Variants in ANKRD24 observed in about 807,000 individuals in gnomAD.
The protein encoded by ANKRD24 is ankyrin repeat domain-containing protein 24.
A neutral mutation model predicts 127.8 loss-of-function variants in ANKRD24; 109 were observed. That is an observed-to-expected ratio of 0.85 (90% CI 0.73 to 1.00). The LOEUF is 1.00. Ranked by LOEUF, ANKRD24 falls within the 50% of genes least tolerant of loss-of-function variation. The pLI is 0.00. For synonymous variants in ANKRD24, 743 were observed against 671.1 expected (o/e 1.11, Z -1.66); for missense variants, 1,648 against 1,570.2 (o/e 1.05, Z -0.84).
chr19:4,207,298 AACC>A lies in ANKRD24; in HGVS notation c.524_526del (p.Asn175_Pro176delinsThr). The stretch of plus-strand genomic sequence containing the variant: ...GCTCTGCTCCTTTAAGGCACATCTA[AACC>A]CCCAAGATCGGGTAAGCTTCTGGGA... On this transcript the variant is annotated inframe_deletion, in exon 8 of 22. Transcript: ENST00000318934. 3 of 1,613,798 alleles carry A rather than the reference AACC, an allele frequency of 1.9e-6. No individual in the cohort carries two copies. In the Admixed American group the frequency reaches 5.0e-5, roughly 27 times the overall value.
chr19:4,208,835 T>C, intron 11 of ANKRD24, 34 bp downstream of exon 11: 1 of 1,604,036 alleles, frequency 6.2e-7, no homozygotes. Flanking sequence ...GAGCCCCTCC[T>C]CCCTGCATCC....
At chr19:4,200,285 G>A in intron 5 of ANKRD24, 114 bp downstream of exon 5, 1 of 1,155,178 alleles carries the variant, frequency 8.7e-7, no homozygotes, top group East Asian at 2.6e-5. Flanking sequence ...AAAAAGGGGA[G>A]GCTCCCTCTG....
intron 15 of ANKRD24, among the ~76,000 whole-genome samples, chr19:4,212,970 CA>C (rs1317008353): frequency 1.3e-5 from 2 of 152,064 alleles, no homozygotes; most frequent in Non-Finnish European, 2.9e-5. Flanking sequence ...GTCTCTACTA[CA>C]AATACAAAAA....
At chr19:4,213,456 C>CT (rs769606619) in intron 15 of ANKRD24, among the ~76,000 whole-genome samples, 4,613 of 118,662 alleles carry the variant, frequency 0.039, 340 homozygotes, top group African/African-American at 0.11. Flanking sequence ...ATCCTTCCTT[C>CT]TTTTTTTTTT....
chr19:4,205,254 CAACAA>C (rs1196299397), intron 7 of ANKRD24, among the ~76,000 whole-genome samples: 4 of 152,100 alleles, frequency 2.6e-5, no homozygotes, highest in Non-Finnish European at 5.9e-5. Flanking sequence ...AACCAACCAA[CAACAA>C]CAACAAACAG....
chr19:4,198,131 C>T lies in ANKRD24; in HGVS notation c.37-1552C>T, dbSNP rs922282751. The T allele has an allele frequency of 7.8e-6, 4 of 510,352 alleles. No individual in the cohort carries two copies. Among genetic ancestry groups the T allele is most frequent in the East Asian group, 3.5e-5 (1 of 28,804 alleles). The allele number at this position is 510,352 out of a possible 1,614,324, so 31.6% of individuals were successfully genotyped here. ...GAGGTGGAGATGGACGCCCGCGGGT[C>T]CCCTGGAGATGCAGCCGGCGGCCTG... On this transcript the variant is annotated intron_variant, in intron 2 of 21. Transcript: ENST00000318934. This position sits in a 1 kb window ranked among gnomAD's most constrained non-coding sequence, Gnocchi z 6.1.
In ANKRD24 at chr19:4,198,047, T is replaced by C; in HGVS notation, c.37-1636T>C. The C allele has an allele frequency of 2.4e-6, 1 of 411,786 alleles. No individual in the cohort carries two copies. Among genetic ancestry groups the C allele is most frequent in the South Asian group, 7.4e-5 (1 of 13,572 alleles). 25.5% of individuals were successfully genotyped at this position (411,786 alleles called of 1,614,324 possible). A position where few individuals can be genotyped will look rare whatever the true frequency, so the allele number is the denominator to read the frequency against. On this transcript the variant is annotated intron_variant, in intron 2 of 21. Coordinates refer to ENST00000318934, the MANE Select transcript of ANKRD24 (RefSeq NM_001393985.1). The surrounding 1 kb of genome is among the most constrained non-coding windows in gnomAD (Gnocchi z 6.1). ...GAGAGCCCTGCCGGCCGCGTGGAGG[T>C]GCGAGGCTGCGGACGTCGCGGGCCC... is the stretch of plus-strand genomic sequence containing the variant.
chr19:4,218,394 G>A (rs1473825342), intron 18 of ANKRD24, among the ~76,000 whole-genome samples: 3 of 151,746 alleles, frequency 2.0e-5, no homozygotes, highest in African/African-American at 4.8e-5. Flanking sequence ...CCTCTTTCCC[G>A]GTTCAAGTGA....
At chr19:4,224,348 T>G (rs1970624759) in intron 21 of ANKRD24, 80 bp from the exon 22 acceptor site, 3 of 1,511,910 alleles carry the variant, frequency 2.0e-6, no homozygotes, top group Non-Finnish European at 2.7e-6. Context: ...CTGGCTGGCT[T>G]GGTCTATGGG....
intron 7 of ANKRD24, among the ~76,000 whole-genome samples, chr19:4,205,817 C>T (rs772026860): frequency 5.3e-5 from 8 of 151,814 alleles, no homozygotes; most frequent in Non-Finnish European, 8.8e-5. Context: ...CCCTGCACTC[C>T]AGCGTGGGTG....
In ANKRD24 at chr19:4,216,053, G is replaced by A; in HGVS notation, c.1270+3G>A. ...GGGTGAGCTGCCTGACCTTCCAGGT[G>A]AGCCCCCACCTCCCCACGCACTCCC... On this transcript the variant is annotated splice_donor_region_variant and intron_variant, in intron 16 of 21. Transcript: ENST00000318934. 2 of 1,592,444 alleles carry A rather than the reference G, an allele frequency of 1.3e-6. No individual in the cohort carries two copies. The highest frequency in any genetic ancestry group is 2.3e-5 in the East Asian group (1 of 43,504).
In ANKRD24 at chr19:4,217,687, C is replaced by T. The variant is rs1282952508; in HGVS notation, c.2527C>T (p.Arg843Trp). ...CGAGCTGGCCCAGCGGGAGGAGGCGCGGCTGGAGCAGAGCCGGGAGCTGGA... is the reference window on the plus strand; with the variant it reads ...CGAGCTGGCCCAGCGGGAGGAGGCGTGGCTGGAGCAGAGCCGGGAGCTGGA... ...RAELAQREEA[R>W]LEQSRELEVL... Residue 843 changes from arginine (R) to tryptophan (W), a missense_variant, in exon 18 of 22, where the codon CGG (arginine) becomes TGG (tryptophan). Transcript: ENST00000318934. The T allele has an allele frequency of 3.1e-6, 4 of 1,286,098 alleles. No individual in the cohort carries two copies. Among genetic ancestry groups the T allele is most frequent in the Admixed American group, 4.3e-5 (1 of 23,124 alleles). 79.7% of individuals were successfully genotyped at this position (1,286,098 alleles called of 1,614,324 possible).
intron 19 of ANKRD24, 25 bp downstream of exon 19, chr19:4,219,783 A>T (rs751179652): frequency 1.3e-5 from 21 of 1,575,580 alleles, no homozygotes; most frequent in Admixed American, 1.8e-5. Flanking sequence ...TCCCACACTC[A>T]GTCAGGGAGG....
rs377020129 is a variant in ANKRD24, at chr19:4,216,905, C to T, written c.1745C>T (p.Thr582Met). ...MEARTMEAEA[T>M]GAEATGAEAT... ...GCCAGGACTATGGAAGCTGAGGCCA[C>T]GGGAGCCGAGGCCACGGGAGCTGAG... Residue 582 changes from threonine to methionine, a missense_variant, in exon 18 of 22, where the codon ACG becomes ATG. Thr to Met is a moderately conservative substitution (Grantham distance 81). Transcript: ENST00000318934. 389 of 1,609,726 alleles carry T rather than the reference C, an allele frequency of 2.4e-4. No individual in the cohort carries two copies. The highest frequency in any genetic ancestry group is 5.8e-4 in the African/African-American group (43 of 74,688).
intron 13 of ANKRD24, among the ~76,000 whole-genome samples, chr19:4,211,566 C>T (rs11881074): frequency 0.039 from 5,950 of 152,066 alleles, 414 homozygotes; most frequent in African/African-American, 0.14. Context: ...ATTGCTTGAA[C>T]CCGGGAGGCA....
At chr19:4,193,514 T>C (rs1388751587) in intron 2 of ANKRD24, among the ~76,000 whole-genome samples, 1 of 151,188 alleles carries the variant, frequency 6.6e-6, no homozygotes, top group Non-Finnish European at 1.5e-5. Flanking sequence ...GAGGCTACTA[T>C]GGCAGCATGG....
intron 17 of ANKRD24, 50 bp downstream of exon 17, chr19:4,216,452 C>G (rs1302065770): frequency 3.2e-6 from 5 of 1,556,416 alleles, no homozygotes; most frequent in Non-Finnish European, 4.3e-6. Context: ...GGCTGGTTCC[C>G]TGAGGTCAGG....
Position 4,197,770 on chromosome 19 carries a change from C to T in ANKRD24, c.37-1913C>T, listed in dbSNP as rs969439990. 4.0e-5 allele frequency among the ~76,000 whole-genome samples: 6 copies of T among 150,990 alleles called. No homozygotes were observed. The East Asian group carries it at 7.9e-4, about 20-fold the overall frequency. On this transcript the variant is annotated intron_variant, in intron 2 of 21. Transcript: ENST00000318934. ...GTGAAGGAATGAACGAGTGAATGAACGAATGAACAAGCGAATGAATGAATA... is the reference window on the plus strand; with the variant it reads ...GTGAAGGAATGAACGAGTGAATGAATGAATGAACAAGCGAATGAATGAATA...
intron 7 of ANKRD24, among the ~76,000 whole-genome samples, chr19:4,205,895 C>G (rs1311608415): frequency 6.6e-6 from 1 of 151,924 alleles, no homozygotes; most frequent in Non-Finnish European, 1.5e-5. Context: ...GTAATCCCAG[C>G]ACTTTGGGAG....
Sources: gnomAD v4.1 joint callset for allele counts (sites outside exome capture counted in the v4.1 genomes callset) on GRCh38, gnomAD v4.1.1 for gene constraint, Gnocchi (gnomAD v3.1) non-coding constraint, MANE v1.5 for transcripts, NCBI Gene and HGNC (gene_info 2026-07-23, HGNC 2026-07-21) for gene names.